IFT80: variants seen among roughly 807,000 people sequenced by gnomAD.
IFT80 encodes intraflagellar transport protein 80 homolog.
IFT80 carries 79 observed loss-of-function variants against 107.9 expected under a neutral mutation model. That is an observed-to-expected ratio of 0.73 (90% confidence interval 0.61 to 0.88). The LOEUF (loss-of-function observed/expected upper bound fraction) is 0.88, where lower values mean the gene tolerates loss of function less well. IFT80 is among the 40% of genes least tolerant of loss of function. The pLI is 0.00. For synonymous variants in IFT80, 299 were observed against 300.9 expected (o/e 0.99, Z 0.07); for missense variants, 797 against 914.2 (o/e 0.87, Z 1.65).
chr3:160,334,503 G>A (rs113968097), intron 8 of IFT80, among the ~76,000 whole-genome samples: 2 of 148,770 alleles, frequency 1.3e-5, no homozygotes, highest in African/African-American at 5.0e-5. Flanking sequence ...TGCAACCTCC[G>A]CCTCCCAGGT....
rs1455010333 is a variant in IFT80 at position 160,297,361 on chromosome 3, A to C, written c.1315+3522T>G. ...GAGTAATTTTATATGACAGCATATG[A>C]ATAGGATTACAAGAAATGAAAAGAT... is the stretch of plus-strand genomic sequence containing the variant. On this transcript the variant is annotated intron_variant, in intron 12 of 19. Transcript: ENST00000326448. Among the ~76,000 whole-genome samples, 3 of 152,162 alleles carry C rather than the reference A, an allele frequency of 2.0e-5. No individual in the cohort carries two copies. In the East Asian group the frequency reaches 5.8e-4, roughly 29 times the overall value.
At chr3:160,266,365 TTCTC>T (rs1317931315) in intron 19 of IFT80, among the ~76,000 whole-genome samples, 5 of 144,882 alleles carry the variant, frequency 3.5e-5, no homozygotes, top group South Asian at 5.1e-4. Context: ...CCTTCCTTCC[TTCTC>T]TCTTTCTCTT....
At position 160,322,002 on chromosome 3, in the gene IFT80, T is replaced by TGTTAGTTA. The variant is rs1240879780; in HGVS notation, c.778-2064_778-2063insTAACTAAC. On this transcript the variant is annotated intron_variant, in intron 8 of 19. Coordinates refer to ENST00000326448, the MANE Select transcript of IFT80 (RefSeq NM_020800.3). Reference sequence around the variant, plus strand: ...ACAGTAGAAAGGGTCATTGTCAGCTTGTTATTTATTTATTTATTTATTTAT... The same window carrying TGTTAGTTA: ...ACAGTAGAAAGGGTCATTGTCAGCTTGTTAGTTAGTTATTTATTTATTTATTTATTTAT... Among the ~76,000 whole-genome samples, 4 of 135,776 alleles carry TGTTAGTTA rather than the reference T, an allele frequency of 2.9e-5. No homozygotes were observed. The East Asian group carries it at 8.4e-4, about 29-fold the overall frequency. The allele number at this position is 135,776 out of a possible 152,430, so 89.1% of individuals were successfully genotyped here.
chr3:160,259,592 A>G (rs1712655417), intron 19 of IFT80, among the ~76,000 whole-genome samples: 1 of 152,234 alleles, frequency 6.6e-6, no homozygotes, highest in South Asian at 2.1e-4. Context: ...CATGAAAAGA[A>G]TAACTGCAAA....
intron 9 of IFT80, among the ~76,000 whole-genome samples, chr3:160,309,859 C>T (rs1223652000): frequency 1.3e-5 from 2 of 151,746 alleles, no homozygotes; most frequent in Non-Finnish European, 2.9e-5. Context: ...TATTTTCAAA[C>T]TATATTTTAG....
chr3:160,336,297 T>A (rs1223642518), intron 8 of IFT80, among the ~76,000 whole-genome samples: 1 of 152,188 alleles, frequency 6.6e-6, no homozygotes, highest in East Asian at 1.9e-4. Context: ...ATAATTTAAA[T>A]CACTGAAAAT....
intron 14 of IFT80, 35 bp from the exon 15 acceptor site, chr3:160,280,849 T>G (rs770091105): frequency 3.2e-6 from 5 of 1,576,440 alleles, no homozygotes; most frequent in Non-Finnish European, 4.3e-6. Context: ...TGCTATTAGC[T>G]TTAATATGTA....
chr3:160,299,683 T>C (rs1211431823), intron 12 of IFT80, among the ~76,000 whole-genome samples: 1 of 152,108 alleles, frequency 6.6e-6, no homozygotes, highest in Non-Finnish European at 1.5e-5. Flanking sequence ...GCTAGCAGTA[T>C]ACCAATGACC....
intron 9 of IFT80, among the ~76,000 whole-genome samples, chr3:160,319,341 A>T (rs192163527): frequency 1.8e-3 from 275 of 152,138 alleles, no homozygotes; most frequent in East Asian, 0.014. Flanking sequence ...AATAAAATTT[A>T]AAAAAATCAG....
intron 8 of IFT80, among the ~76,000 whole-genome samples, chr3:160,324,306 G>T (rs1468987549): frequency 6.6e-5 from 10 of 152,118 alleles, no homozygotes; most frequent in Admixed American, 6.6e-5. Flanking sequence ...TAATACCGAA[G>T]CCGGGTGGAG....
At chr3:160,290,212 G>T (rs1160278698) in intron 12 of IFT80, among the ~76,000 whole-genome samples, 1 of 151,826 alleles carries the variant, frequency 6.6e-6, no homozygotes, top group African/African-American at 2.4e-5. Flanking sequence ...TTTGAGACCC[G>T]CCTGGCCAAC....
At chr3:160,313,183 T>C (rs1356732642) in intron 9 of IFT80, among the ~76,000 whole-genome samples, 1 of 140,598 alleles carries the variant, frequency 7.1e-6, no homozygotes, top group Non-Finnish European at 1.5e-5. Flanking sequence ...ACGAGAAGTC[T>C]GAGCTCTCAG....
intron 8 of IFT80, among the ~76,000 whole-genome samples, chr3:160,352,866 T>C (rs961178975): frequency 6.6e-6 from 1 of 152,208 alleles, no homozygotes; most frequent in African/African-American, 2.4e-5. Context: ...CCATCTCCAC[T>C]GCTACTTCCC....
chr3:160,291,394 A>G (rs192005940), intron 12 of IFT80, among the ~76,000 whole-genome samples: 7 of 152,338 alleles, frequency 4.6e-5, no homozygotes, highest in African/African-American at 1.7e-4. Flanking sequence ...CATTACTGGG[A>G]AATGCAAAAA....
At chr3:160,296,515 C>A (rs1351502412) in intron 12 of IFT80, among the ~76,000 whole-genome samples, 1 of 151,698 alleles carries the variant, frequency 6.6e-6, no homozygotes, top group South Asian at 2.1e-4. Flanking sequence ...CTTTCTCCTG[C>A]ACCTTTACTC....
intron 19 of IFT80, among the ~76,000 whole-genome samples, chr3:160,259,325 C>T (rs147971806): frequency 1.5e-4 from 23 of 152,208 alleles, no homozygotes; most frequent in East Asian, 9.7e-4. Flanking sequence ...TGAGATGGAC[C>T]GCTGTCTTCC....
chr3:160,267,738 ATTTG>A (rs1713457794), intron 19 of IFT80, among the ~76,000 whole-genome samples: 1 of 151,902 alleles, frequency 6.6e-6, no homozygotes, highest in African/African-American at 2.4e-5. Flanking sequence ...TTTTATTTTT[ATTTG>A]TTTATTTAGA....
At chr3:160,299,136 T>C (rs1716215692) in intron 12 of IFT80, 2 of 984,488 alleles carry the variant, frequency 2.0e-6, no homozygotes, top group Non-Finnish European at 2.4e-6. Context: ...TCCAAATTAC[T>C]ATTATTTTCA....
chr3:160,301,063 A>G lies in IFT80; in HGVS notation c.1152-17T>C. On this transcript the variant is annotated splice_polypyrimidine_tract_variant and intron_variant, in intron 11 of 19. Transcript: ENST00000326448. ...AGAAAATGTCTAAAAAATAAAGAATAGAAATAGATTCTCAAACAGGAGTAT... is the reference window on the plus strand; with the variant it reads ...AGAAAATGTCTAAAAAATAAAGAATGGAAATAGATTCTCAAACAGGAGTAT... The G allele has an allele frequency of 6.4e-7, 1 of 1,554,260 alleles. No individual in the cohort carries two copies. Among genetic ancestry groups the G allele is most frequent in the Non-Finnish European group, 8.8e-7 (1 of 1,132,560 alleles).
Sources: allele counts gnomAD v4.1 joint callset (sites outside exome capture counted in the v4.1 genomes callset), GRCh38; gene constraint gnomAD v4.1.1; transcripts MANE v1.5; gene names NCBI Gene and HGNC (gene_info 2026-07-23, HGNC 2026-07-21).